Variants in KIF1A observed in about 807,000 individuals in gnomAD.
KIF1A encodes the protein kinesin family member 1A, also known as kinesin-like protein KIF1A.
A neutral mutation model predicts 227.3 loss-of-function variants in KIF1A; 46 were observed. The observed-to-expected ratio is 0.20, with a 90% confidence interval of 0.16 to 0.26. The LOEUF (loss-of-function observed/expected upper bound fraction) is 0.26. Ranked by LOEUF, KIF1A falls within the 10% of genes least tolerant of loss-of-function variation. KIF1A has a pLI of 1.00. For missense variants in KIF1A, 1,683 were observed against 2,485.9 expected (o/e 0.68, Z 6.87); for synonymous variants, 1,022 against 1,012.8 (o/e 1.01, Z -0.17).
intron 16 of KIF1A, 91 bp from the exon 17 acceptor site, chr2:240,769,299 T>C: frequency 8.9e-7 from 1 of 1,123,142 alleles, no homozygotes; most frequent in Non-Finnish European, 1.3e-6. Context: ...AGCGGGCCTG[T>C]GGCCACCGTG....
intron 20 of KIF1A, 70 bp downstream of exon 20, chr2:240,765,640 G>A: frequency 8.0e-6 from 10 of 1,256,898 alleles, no homozygotes; most frequent in Non-Finnish European, 1.2e-5. Context: ...GCGGTGGCTT[G>A]GACATGGGAA....
chr2:240,726,968 GT>G lies in KIF1A; in HGVS notation c.4008-29del, dbSNP rs748858333. 1.4e-6 allele frequency: 2 copies of G among 1,392,392 alleles called. No individual in the cohort carries two copies. Among genetic ancestry groups the G allele is most frequent in the Non-Finnish European group, 2.0e-6 (2 of 993,904 alleles). The allele number at this position is 1,392,392 out of a possible 1,614,324, so 86.3% of individuals were successfully genotyped here. A position where few individuals can be genotyped will look rare whatever the true frequency, so the allele number is the denominator to read the frequency against. On this transcript the variant is annotated intron_variant, in intron 38 of 48. Transcript: ENST00000498729. This position sits in a 1 kb window ranked among gnomAD's most constrained non-coding sequence, Gnocchi z 5.2. Reference sequence around the variant, plus strand: ...GAAAGGAAGCAGAGACAAAGTAGAAGTTGATGGCGTGGGGGCTGCTTTCAGC... The same window carrying G: ...GAAAGGAAGCAGAGACAAAGTAGAAGTGATGGCGTGGGGGCTGCTTTCAGC...
At position 240,740,178 on chromosome 2, in the gene KIF1A, C is replaced by G; in HGVS notation, c.3817-36G>C. 2 of 1,583,322 alleles carry G rather than the reference C, an allele frequency of 1.3e-6. No individual in the cohort carries two copies. Among genetic ancestry groups the G allele is most frequent in the Non-Finnish European group, 1.7e-6 (2 of 1,162,112 alleles). Reference sequence around the variant, plus strand: ...CAGGTGAGAGGATATGGTCAGACGGCTCAGGGGGCTACGTAGGGTGAGGGA... The same window carrying G: ...CAGGTGAGAGGATATGGTCAGACGGGTCAGGGGGCTACGTAGGGTGAGGGA... On this transcript the variant is annotated intron_variant, in intron 36 of 48. Transcript: ENST00000498729. The surrounding 1 kb of genome is among the most constrained non-coding windows in gnomAD (Gnocchi z 6.1).
At chr2:240,742,279 C>T (rs1235907675) in intron 34 of KIF1A, among the ~76,000 whole-genome samples, 1 of 152,206 alleles carries the variant, frequency 6.6e-6, no homozygotes, top group Non-Finnish European at 1.5e-5. Context: ...AGGCCCCTAC[C>T]CTCTGGGGTG....
At chr2:240,760,636 C>G in intron 25 of KIF1A, 29 bp downstream of exon 25, 1 of 1,432,952 alleles carries the variant, frequency 7.0e-7, no homozygotes, top group Non-Finnish European at 9.2e-7. Flanking sequence ...GACCCTCCCA[C>G]CATCCACCCA....
At position 240,787,274 on chromosome 2, in the gene KIF1A, C is replaced by T. The variant is rs374178011; in HGVS notation, c.406G>A (p.Asp136Asn). The T allele has an allele frequency of 1.8e-5, 29 of 1,613,300 alleles. No homozygotes were observed. The highest frequency in any genetic ancestry group is 2.2e-5 in the South Asian group (2 of 91,052). The stretch of plus-strand genomic sequence containing the variant: ...ACCTCCACGGAGTAGGACATGTTGT[C>T]GTTGGTCGTGTCGTTGATCCGAGAG... The part of the protein sequence containing the change: ...LFSRINDTTN[D>N]NMSYSVEVSY... Residue 136 changes from aspartate (D) to asparagine (N), a missense_variant, in exon 5 of 49, where the codon GAC becomes AAC. By Grantham distance (23) the Asp-to-Asn change is conservative. This residue lies in a region of KIF1A where 75 missense variants were observed against 131.2 expected (regional missense o/e 0.57). Transcript: ENST00000498729.
chr2:240,819,305 G>T (rs2058550448), intron 1 of KIF1A, among the ~76,000 whole-genome samples: 1 of 152,160 alleles, frequency 6.6e-6, no homozygotes, highest in African/African-American at 2.4e-5. Flanking sequence ...CGCCAGCCTA[G>T]ACCCTGCGGC....
chr2:240,785,948 A>C (rs2054687692), intron 6 of KIF1A, among the ~76,000 whole-genome samples: 1 of 152,150 alleles, frequency 6.6e-6, no homozygotes, highest in Non-Finnish European at 1.5e-5. Flanking sequence ...TGGCTGCAGC[A>C]CTGCAGCCGA....
At chr2:240,783,157 G>T (rs374610417) in intron 8 of KIF1A, 48 bp from the exon 9 acceptor site, 8 of 1,442,718 alleles carry the variant, frequency 5.5e-6, no homozygotes, top group Admixed American at 5.0e-5. Flanking sequence ...GACCCGTGGG[G>T]CCTCCTGCTC....
In KIF1A at chr2:240,788,958, G is replaced by A. The variant is rs1285548666; in HGVS notation, c.183+278C>T. On this transcript the variant is annotated intron_variant, in intron 3 of 48. Coordinates refer to ENST00000498729, the MANE Select transcript of KIF1A (RefSeq NM_001244008.2). The surrounding 1 kb of genome is among the most constrained non-coding windows in gnomAD (Gnocchi z 6.6). The stretch of plus-strand genomic sequence containing the variant: ...GCTCAGGGTCAGCTTTGGGCATTCT[G>A]ACTTTGGGATGTCTGGGGGAAAAGT... Among the ~76,000 whole-genome samples the A allele has an allele frequency of 2.0e-5, 3 of 152,118 alleles. No homozygotes were observed. The highest frequency in any genetic ancestry group is 7.2e-5 in the African/African-American group (3 of 41,410).
intron 2 of KIF1A, among the ~76,000 whole-genome samples, chr2:240,794,468 T>C (rs892213359): frequency 2.6e-5 from 4 of 152,200 alleles, no homozygotes; most frequent in African/African-American, 7.2e-5. Context: ...GGCTCCGTGC[T>C]GACCTTTGCC....
In KIF1A at chr2:240,724,027, C is replaced by T; in HGVS notation, c.4266G>A (p.Val1422=). 6.2e-7 allele frequency: 1 copy of T among 1,612,480 alleles called. No individual in the cohort carries two copies. Among genetic ancestry groups the T allele is most frequent in the Non-Finnish European group, 8.5e-7 (1 of 1,179,692 alleles). The part of the protein sequence containing the change: ...GSLRASESNR[V]TGVYELSLCH... ...ACAGGCTGAGCTCGTACACACCAGT[C>T]ACACGGTTACTGTGGGGAGTAGAAG... The change falls in exon 41 of 49, where the codon GTG becomes GTA. Residue 1422 remains valine, a synonymous_variant. Transcript: ENST00000498729.
At chr2:240,761,849 C>T (rs865991180) in intron 23 of KIF1A, among the ~76,000 whole-genome samples, 1 of 152,144 alleles carries the variant, frequency 6.6e-6, no homozygotes, top group Non-Finnish European at 1.5e-5. Context: ...CCATCTGGGG[C>T]CAGCAGTGGG....
At chr2:240,727,756 C>T (rs1248626255) in intron 38 of KIF1A, among the ~76,000 whole-genome samples, 1 of 152,168 alleles carries the variant, frequency 6.6e-6, no homozygotes, top group Non-Finnish European at 1.5e-5. Context: ...TTTTACATCC[C>T]CATGGGGTCG....
rs1050236497 is a variant in KIF1A, at chr2:240,766,125, C to T, written c.1685-332G>A. On this transcript the variant is annotated intron_variant, in intron 19 of 48. Coordinates refer to ENST00000498729, the MANE Select transcript of KIF1A (RefSeq NM_001244008.2). The surrounding 1 kb of genome is among the most constrained non-coding windows in gnomAD (Gnocchi z 5.0). ...AAACACCAGCTAATGGGGCCTGGGC[C>T]GTCCCACAGGAGAGGGTAGGCAGGG... Among the ~76,000 whole-genome samples, 5 of 152,250 alleles carry T rather than the reference C, an allele frequency of 3.3e-5. No individual in the cohort carries two copies. The highest frequency in any genetic ancestry group is 9.6e-5 in the African/African-American group (4 of 41,474).
At chr2:240,804,630 T>C (rs1209547731) in intron 1 of KIF1A, among the ~76,000 whole-genome samples, 2 of 151,840 alleles carry the variant, frequency 1.3e-5, no homozygotes, top group African/African-American at 2.4e-5. Context: ...CTCTGTGAAA[T>C]GGAAGGCTGG....
At chr2:240,760,114 TG>T (rs1364412799) in intron 25 of KIF1A, among the ~76,000 whole-genome samples, 4 of 151,780 alleles carry the variant, frequency 2.6e-5, no homozygotes, top group Non-Finnish European at 5.9e-5. Flanking sequence ...CAGCTCACGT[TG>T]GGCACAGAGG....
At chr2:240,783,641 G>C in intron 8 of KIF1A, 98 bp downstream of exon 8, 1 of 896,454 alleles carries the variant, frequency 1.1e-6, no homozygotes, top group African/African-American at 1.7e-5. Context: ...CCCTCAGGGT[G>C]GCCCAGGCCC....
rs1553630555 is a variant in KIF1A at position 240,746,103 on chromosome 2, C to T, written c.3138G>A (p.Glu1046=). The change falls in exon 30 of 49, where the codon GAG becomes GAA. Residue 1046 remains glutamate (E), a synonymous_variant. Coordinates refer to ENST00000498729, the MANE Select transcript of KIF1A (RefSeq NM_001244008.2). ...CCACGTCTGCACCCTGGCCCTGGCC[C>T]TCCACGATGCGAAGCTCTTCCTGGG... ...GTSQEELRIV[E]GQGQGADVGP... 14 of 1,585,770 alleles carry T rather than the reference C, an allele frequency of 8.8e-6. No homozygotes were observed. Among genetic ancestry groups the T allele is most frequent in the Non-Finnish European group, 1.1e-5 (13 of 1,166,598 alleles).
Sources: gnomAD v4.1 joint callset for allele counts (sites outside exome capture counted in the v4.1 genomes callset) on GRCh38, gnomAD v4.1.1 for gene constraint, gnomAD v4.1.1 regional missense constraint, Gnocchi (gnomAD v3.1) non-coding constraint, MANE v1.5 for transcripts, NCBI Gene and HGNC (gene_info 2026-07-23, HGNC 2026-07-21) for gene names.